Variants in CEP128 observed in about 807,000 individuals in gnomAD.
The protein encoded by CEP128 is centrosomal protein 128.
Under a neutral mutation model 156.7 loss-of-function variants are expected in CEP128, and 132 were observed. That is an observed-to-expected ratio of 0.84 (90% CI 0.73 to 0.97). The LOEUF (loss-of-function observed/expected upper bound fraction) is 0.97. CEP128 is among the 50% of genes least tolerant of loss of function. The pLI is 0.00. For synonymous variants in CEP128, 469 were observed against 448.9 expected, an observed-to-expected ratio of 1.04 and a Z score of -0.57; for missense variants, 1,252 against 1,281.9, an observed-to-expected ratio of 0.98 and a Z score of 0.36.
intron 17 of CEP128, among the ~76,000 whole-genome samples, chr14:80,757,936 GC>G (rs1899752176): frequency 6.6e-6 from 1 of 152,076 alleles, no homozygotes; most frequent in African/African-American, 2.4e-5. Flanking sequence ...TATCCTCCCT[GC>G]CTTTTCAAGG....
chr14:80,794,851 G>A (rs1883370363), intron 13 of CEP128, among the ~76,000 whole-genome samples: 1 of 152,002 alleles, frequency 6.6e-6, no homozygotes, highest in Non-Finnish European at 1.5e-5. Context: ...TCCCATAGGA[G>A]GTGATGCATA....
chr14:80,513,800 T>C (rs1407945070), intron 23 of CEP128, among the ~76,000 whole-genome samples: 7 of 152,212 alleles, frequency 4.6e-5, no homozygotes, highest in Non-Finnish European at 1.0e-4. Flanking sequence ...TCAAAATATT[T>C]TACCCCAAAA....
intron 19 of CEP128, among the ~76,000 whole-genome samples, chr14:80,718,833 T>C (rs1361386463): frequency 6.6e-6 from 1 of 152,214 alleles, no homozygotes; most frequent in African/African-American, 2.4e-5. Context: ...TACATGGGCT[T>C]AACACCAGCG....
chr14:80,520,047 A>G (rs1467677506), intron 23 of CEP128, among the ~76,000 whole-genome samples: 1 of 152,328 alleles, frequency 6.6e-6, no homozygotes, highest in East Asian at 1.9e-4. Context: ...AGACAGAAAC[A>G]GTGAACAACC....
chr14:80,797,655 C>A (rs533510243), intron 13 of CEP128, among the ~76,000 whole-genome samples: 1 of 152,104 alleles, frequency 6.6e-6, no homozygotes, highest in South Asian at 2.1e-4. Flanking sequence ...AATATTTATC[C>A]CACATCAATC....
intron 2 of CEP128, among the ~76,000 whole-genome samples, chr14:80,952,742 T>C (rs1886493049): frequency 6.6e-6 from 1 of 151,902 alleles, no homozygotes; most frequent in African/African-American, 2.4e-5. Context: ...ATGAATAAAA[T>C]TGATAACCCT....
intron 18 of CEP128, among the ~76,000 whole-genome samples, chr14:80,745,453 G>C (rs979947340): frequency 1.3e-5 from 2 of 152,004 alleles, no homozygotes; most frequent in East Asian, 3.9e-4. Flanking sequence ...GTTTAAGATA[G>C]GAAAATCATT....
intron 19 of CEP128, among the ~76,000 whole-genome samples, chr14:80,689,253 T>C (rs1325568312): frequency 7.7e-6 from 1 of 129,702 alleles, no homozygotes; most frequent in Non-Finnish European, 1.5e-5. Flanking sequence ...AGTGACCCAC[T>C]GAACTGCAGC....
intron 21 of CEP128, among the ~76,000 whole-genome samples, chr14:80,533,253 T>C (rs1889313585): frequency 6.6e-6 from 1 of 152,174 alleles, no homozygotes; most frequent in South Asian, 2.1e-4. Flanking sequence ...TGATTTTAAA[T>C]CAAAATTTTA....
In CEP128 at chr14:80,743,127, T is replaced by C. The variant is rs1267214516; in HGVS notation, c.2754A>G (p.Gln918=). The change falls in exon 19 of 25, where the codon CAA becomes CAG. Residue 918 remains glutamine, a synonymous_variant. Transcript: ENST00000555265. The part of the protein sequence containing the change: ...NKESELQCLF[Q]QIERQEQLLD... ...GAAGCTGCTCCTGCCTTTCTATCTG[T>C]TGAAAGAGACACTGCAACTCAGATT... is the stretch of plus-strand genomic sequence containing the variant. 6.2e-7 allele frequency: 1 copy of C among 1,613,840 alleles called. No individual in the cohort carries two copies.
At chr14:80,845,364 A>C (rs764630545) in intron 9 of CEP128, among the ~76,000 whole-genome samples, 18 of 152,312 alleles carry the variant, frequency 1.2e-4, no homozygotes, top group Non-Finnish European at 2.2e-4. Context: ...AAGTAAAGTT[A>C]AATGTGAGCC....
downstream of CEP128, among the ~76,000 whole-genome samples, chr14:80,493,494 G>A (rs1172250111): frequency 1.3e-5 from 2 of 152,160 alleles, no homozygotes; most frequent in Admixed American, 1.3e-4. Flanking sequence ...TAGAGAGCAA[G>A]GTCAAGTTCA....
At chr14:80,840,826 C>A in intron 9 of CEP128, 58 bp from the exon 10 acceptor site, 1 of 1,038,214 alleles carries the variant, frequency 9.6e-7, no homozygotes, top group Non-Finnish European at 1.5e-6. Context: ...CTGAAAGTCA[C>A]TACTAGAATT....
At chr14:80,771,565 C>T (rs927537658) in intron 16 of CEP128, among the ~76,000 whole-genome samples, 5 of 152,158 alleles carry the variant, frequency 3.3e-5, no homozygotes, top group Non-Finnish European at 7.4e-5. Flanking sequence ...TTAAATAAAT[C>T]TTTTCATGGG....
chr14:80,902,885 AC>A (rs1461306457), intron 6 of CEP128, among the ~76,000 whole-genome samples: 2 of 152,160 alleles, frequency 1.3e-5, no homozygotes, highest in Admixed American at 1.3e-4. Context: ...AGGAAACAAA[AC>A]ACGTCCAATT....
chr14:80,564,883 A>G (rs1219032759), intron 20 of CEP128, among the ~76,000 whole-genome samples: 1 of 152,094 alleles, frequency 6.6e-6, no homozygotes, highest in East Asian at 1.9e-4. Context: ...ACATGGCGAA[A>G]CCCTGTCCCT....
intron 19 of CEP128, among the ~76,000 whole-genome samples, chr14:80,657,687 C>T (rs550493054): frequency 2.6e-5 from 4 of 152,048 alleles, no homozygotes; most frequent in Admixed American, 6.6e-5. Flanking sequence ...AGGGGGATAA[C>T]ATAAAGAAGT....
intron 19 of CEP128, among the ~76,000 whole-genome samples, chr14:80,641,766 T>C (rs945155879): frequency 6.6e-5 from 10 of 152,102 alleles, no homozygotes; most frequent in Non-Finnish European, 1.2e-4. Flanking sequence ...AAAATAGCCG[T>C]ACCAGAACAG....
chr14:80,503,898 G>A (rs1887851827), intron 24 of CEP128, among the ~76,000 whole-genome samples: 1 of 152,040 alleles, frequency 6.6e-6, no homozygotes, highest in Non-Finnish European at 1.5e-5. Flanking sequence ...ATCAGAAATC[G>A]ATAAATATTT....
Sources: gnomAD v4.1 joint callset for allele counts (sites outside exome capture counted in the v4.1 genomes callset) on GRCh38, gnomAD v4.1.1 for gene constraint, MANE v1.5 for transcripts, NCBI Gene and HGNC (gene_info 2026-07-23, HGNC 2026-07-21) for gene names.